MUC5B: variants seen among roughly 807,000 people sequenced by gnomAD.
The protein encoded by MUC5B is mucin 5B, oligomeric mucus/gel-forming, also known as mucin-5B.
In MUC5B, 116 loss-of-function variants were observed where a neutral mutation model predicts 376.9. The observed-to-expected ratio is 0.31, with a 90% CI of 0.26 to 0.36. The LOEUF (loss-of-function observed/expected upper bound fraction) is 0.36, where lower values mean the gene tolerates loss of function less well. Ranked by LOEUF, MUC5B falls within the 10% of genes least tolerant of loss-of-function variation. MUC5B has a pLI of 1.00. For missense variants in MUC5B, 7,165 were observed against 7,769.9 expected, an observed-to-expected ratio of 0.92 and a Z score of 2.93; for synonymous variants, 3,517 against 3,390.9, an observed-to-expected ratio of 1.04 and a Z score of -1.29.
At chr11:1,259,149 T>G in intron 44 of MUC5B, 88 bp downstream of exon 44, 1 of 1,020,488 alleles carries the variant, frequency 9.8e-7, no homozygotes, top group South Asian at 1.5e-5. Flanking sequence ...AGGTGAGACC[T>G]GAGTCACCCG....
intron 25 of MUC5B, 67 bp from the exon 26 acceptor site, chr11:1,238,803 TG>T: frequency 6.6e-7 from 1 of 1,504,986 alleles, no homozygotes; most frequent in South Asian, 1.2e-5. Flanking sequence ...CAACTGGCCC[TG>T]GGCCAGCCAC....
At chr11:1,225,650 C>T (rs374106949) in intron 1 of MUC5B, 31 bp from the exon 2 acceptor site, 30 of 1,574,562 alleles carry the variant, frequency 1.9e-5, no homozygotes, top group Non-Finnish European at 2.5e-5. Context: ...ACATCTAGTT[C>T]CTCACTGACT....
chr11:1,244,956 C>G lies in MUC5B; in HGVS notation c.8076C>G (p.Thr2692=), dbSNP rs555010897. 3.2e-6 allele frequency: 5 copies of G among 1,572,092 alleles called. No individual in the cohort carries two copies. In the African/African-American group the frequency reaches 4.1e-5, roughly 13 times the overall value. The change falls in exon 31 of 49, where the codon ACC becomes ACG. Residue 2692 remains threonine, a synonymous_variant. Transcript: ENST00000529681. ...QTSGTPPSLT[T]TATTITATGS... ...GTGGTACTCCCCCATCACTGACCAC[C>G]ACGGCCACTACGATCACGGCCACCG...
Position 1,242,190 on chromosome 11 carries a change from C to A in MUC5B, c.5310C>A (p.Ser1770Arg). Reference protein sequence around the residue: ...TSTPRTETTMSPLTNTTTSQG... With the variant: ...TSTPRTETTMRPLTNTTTSQG... The stretch of plus-strand genomic sequence containing the variant: ...CGCCCAGGACAGAGACGACAATGAG[C>A]CCCTTGACTAACACCACCACCAGCC... The change falls in exon 31 of 49, where the codon AGC becomes AGA. Residue 1770 changes from serine to arginine, a missense_variant. Physicochemically the swap from Ser to Arg is moderately radical, Grantham distance 110. This residue lies in a region of MUC5B where 897 missense variants were observed against 779.6 expected (regional missense o/e 1.15). Transcript: ENST00000529681. The A allele has an allele frequency of 1.2e-6, 2 of 1,613,544 alleles. No individual in the cohort carries two copies. Among genetic ancestry groups the A allele is most frequent in the East Asian group, 2.2e-5 (1 of 44,876 alleles).
intron 18 of MUC5B, 47 bp downstream of exon 18, chr11:1,233,315 C>T (rs752255895): frequency 2.1e-5 from 31 of 1,465,368 alleles, no homozygotes; most frequent in Non-Finnish European, 2.6e-5. Context: ...TCCTCAGAGC[C>T]ACTTCCCGCC....
At position 1,258,269 on chromosome 11, in the gene MUC5B, G is replaced by C; in HGVS notation, c.16556-61G>C. On this transcript the variant is annotated intron_variant, in intron 42 of 48. Transcript: ENST00000529681. This position sits in a 1 kb window ranked among gnomAD's most constrained non-coding sequence, Gnocchi z 5.5. ...TGGGGGTGGGGGAGTGCAGGATGGT[G>C]GGGGCGCTGGAGCACATGCTCCCCA... is the stretch of plus-strand genomic sequence containing the variant. The C allele has an allele frequency of 5.0e-6, 8 of 1,591,288 alleles. No homozygotes were observed. Among genetic ancestry groups the C allele is most frequent in the South Asian group, 3.4e-5 (3 of 88,138 alleles).
At position 1,249,992 on chromosome 11, in the gene MUC5B, C is replaced by T; in HGVS notation, c.13112C>T (p.Thr4371Ile). Residue 4371 changes from threonine (T) to isoleucine (I), a missense_variant, in exon 31 of 49, where the codon ACC becomes ATC. Physicochemically the swap from Thr to Ile is moderately conservative, Grantham distance 89 (BLOSUM62 -1). Transcript: ENST00000529681. ...HTSTVLTTKA[T>I]TTRATSSTST... ...TCCACAGTGCTGACCACGAAGGCCA[C>T]CACGACAAGGGCCACCAGTTCCACG... The T allele has an allele frequency of 6.3e-7, 1 of 1,591,764 alleles. No individual in the cohort carries two copies. The highest frequency in any genetic ancestry group is 8.6e-7 in the Non-Finnish European group (1 of 1,168,482).
rs1862298884 is a variant in MUC5B, at chr11:1,242,035, CCAA to C, written c.5162_5164del (p.Thr1721del). 1.9e-6 allele frequency: 3 copies of C among 1,590,636 alleles called. No individual in the cohort carries two copies. The highest frequency in any genetic ancestry group is 2.7e-5 in the African/African-American group (2 of 74,288). On this transcript the variant is annotated inframe_deletion, in exon 31 of 49. Transcript: ENST00000529681. ...CCCCTCACAGCCACCCACGCTGGCC[CCAA>C]CAACAATGGCAACCTCCAGAGCTCG...
In MUC5B at chr11:1,254,284, G is replaced by A. The variant is rs755741003; in HGVS notation, c.15410G>A (p.Ser5137Asn). 1.9e-6 allele frequency: 3 copies of A among 1,610,758 alleles called. No homozygotes were observed. In the Admixed American group the frequency reaches 5.0e-5, roughly 27 times the overall value. The change falls in exon 34 of 49, where the codon AGC becomes AAC. Residue 5137 changes from serine to asparagine, a missense_variant. By Grantham distance (46) the Ser-to-Asn change is conservative. Transcript: ENST00000529681. ...GCCGCCCGCTGCCCCCGCGCCCTCA[G>A]CATCCACTACAAGTCCATGGATATC... ...AAAARCPRAL[S>N]IHYKSMDIVL...
At position 1,258,085 on chromosome 11, in the gene MUC5B, C is replaced by G. The variant is rs1407315969; in HGVS notation, c.16451-14C>G. On this transcript the variant is annotated splice_polypyrimidine_tract_variant and intron_variant, in intron 41 of 48. Coordinates refer to ENST00000529681, the MANE Select transcript of MUC5B (RefSeq NM_002458.3). This position sits in a 1 kb window ranked among gnomAD's most constrained non-coding sequence, Gnocchi z 5.5. ...GTGAGCAGCGCCCAGACAGTGGCCT[C>G]CATCCTCCCGCAGTGTGCAACACAA... The G allele has an allele frequency of 1.3e-6, 2 of 1,565,220 alleles. No homozygotes were observed. Among genetic ancestry groups the G allele is most frequent in the Non-Finnish European group, 1.7e-6 (2 of 1,156,190 alleles).
chr11:1,255,420 C>T lies in MUC5B; in HGVS notation c.15928C>T (p.Pro5310Ser), dbSNP rs1454839675. The change falls in exon 37 of 49, where the codon CCA becomes TCA. Residue 5310 changes from proline to serine, a missense_variant. This residue lies in a region of MUC5B where 842 missense variants were observed against 1,016.9 expected (regional missense o/e 0.83). Transcript: ENST00000529681. ...AECHNLVPPG[P>S]FFNACISDHC... is the part of the protein sequence containing the mutation. ...GTGCCACAACCTTGTGCCCCCGGGC[C>T]CATTCTTCAACGCCTGCATCAGCGA... 6.2e-7 allele frequency: 1 copy of T among 1,604,938 alleles called. No individual in the cohort carries two copies. The highest frequency in any genetic ancestry group is 1.7e-5 in the Admixed American group (1 of 59,350).
chr11:1,249,412 G>A lies in MUC5B; in HGVS notation c.12532G>A (p.Ala4178Thr). Residue 4178 changes from alanine (A) to threonine (T), a missense_variant, in exon 31 of 49, where the codon GCC becomes ACC. Physicochemically the swap from Ala to Thr is moderately conservative, Grantham distance 58. This residue lies in a region of MUC5B where 34 missense variants were observed against 25.7 expected (regional missense o/e 1.32). Transcript: ENST00000529681. The stretch of plus-strand genomic sequence containing the variant: ...CCTGGGCCTCGAGTGCCGTGCCCAG[G>A]CCCAGCCTGGTGTCCCCCTGGGGGA... ...QPLGLECRAQ[A>T]QPGVPLGELG... 1.9e-6 allele frequency: 3 copies of A among 1,611,386 alleles called. No homozygotes were observed. The highest frequency in any genetic ancestry group is 2.5e-6 in the Non-Finnish European group (3 of 1,179,632).
In MUC5B at chr11:1,230,990, C is replaced by A; in HGVS notation, c.1525C>A (p.Leu509Met). 4 of 1,596,050 alleles carry A rather than the reference C, an allele frequency of 2.5e-6. No individual in the cohort carries two copies. The highest frequency in any genetic ancestry group is 3.4e-6 in the Non-Finnish European group (4 of 1,172,522). The change falls in exon 13 of 49, where the codon CTG (leucine) becomes ATG (methionine). Residue 509 changes from leucine (L) to methionine (M), a missense_variant. Physicochemically the swap from Leu to Met is conservative, Grantham distance 15. Around this residue, in one of 31 missense-constraint regions of MUC5B, gnomAD observed 640 missense variants for 733.0 expected, o/e 0.87. Coordinates refer to ENST00000529681, the MANE Select transcript of MUC5B (RefSeq NM_002458.3). ...GVFLNSIYTQ[L>M]PLSAANITLF... ...GTTCCTCAACTCCATCTACACGCAG[C>A]TGCCCCTGTCGGCAGGTATGTGGCT...
rs1192936322 is a variant in MUC5B, at chr11:1,225,589, G to GACCCCAC, written c.71-92_71-91insACCCCAC. ...GCCACCAAGGACCCCACATGCGGCT[G>GACCCCAC]CCGCACCAGGGATGTGGCCAGGTCC... On this transcript the variant is annotated intron_variant, in intron 1 of 48. Transcript: ENST00000529681. 4.4e-4 allele frequency: 523 copies of GACCCCAC among 1,187,696 alleles called. 5 individuals are homozygous for GACCCCAC. In the East Asian group the frequency reaches 0.013, roughly 31 times the overall value. The allele number at this position is 1,187,696 out of a possible 1,614,324, so 73.6% of individuals were successfully genotyped here.
rs768171004 is a variant in MUC5B, at chr11:1,248,616, C to G, written c.11736C>G (p.Thr3912=). The G allele has an allele frequency of 5.6e-6, 9 of 1,612,594 alleles. No individual in the cohort carries two copies. The highest frequency in any genetic ancestry group is 7.6e-6 in the Non-Finnish European group (9 of 1,179,498). Residue 3912 remains threonine, a synonymous_variant, in exon 31 of 49, where the codon ACC becomes ACG. Coordinates refer to ENST00000529681, the MANE Select transcript of MUC5B (RefSeq NM_002458.3). ...TGACCCCCTCCTCCGTCCCGGGGAC[C>G]ACCCACACCCCCACAGTGCTGACCA... The part of the protein sequence containing the change: ...STVTPSSVPG[T]THTPTVLTTT...
chr11:1,240,678 C>T (rs1250047028), intron 30 of MUC5B, among the ~76,000 whole-genome samples, 173 bp from the exon 31 acceptor site: 1 of 152,246 alleles, frequency 6.6e-6, no homozygotes, highest in African/African-American at 2.4e-5. Context: ...CTGCCAGGCC[C>T]CAGTCCCTCA....
At position 1,243,024 on chromosome 11, in the gene MUC5B, T is replaced by A. The variant is rs1195230006; in HGVS notation, c.6144T>A (p.Thr2048=). The change falls in exon 31 of 49, where the codon ACT becomes ACA. Residue 2048 remains threonine (T), a synonymous_variant. Coordinates refer to ENST00000529681, the MANE Select transcript of MUC5B (RefSeq NM_002458.3). The part of the protein sequence containing the change: ...TPSSTPGTAH[T]TKVPTTTTTG... ...CCTCCACCCCAGGAACAGCTCACAC[T>A]ACCAAAGTGCCAACTACCACAACCA... is the stretch of plus-strand genomic sequence containing the variant. 1.9e-6 allele frequency: 3 copies of A among 1,604,168 alleles called. No homozygotes were observed. The highest frequency in any genetic ancestry group is 2.2e-5 in the South Asian group (2 of 90,720).
Position 1,244,842 on chromosome 11 carries a change from G to C in MUC5B, c.7962G>C (p.Gly2654=). ...GSTVTPSSIP[G]TTHTPTVLTT... is the part of the protein sequence containing the mutation. Reference sequence around the variant, plus strand: ...CGGTGACCCCCTCCTCCATCCCGGGGACCACCCACACCCCCACAGTGCTGA... The same window carrying C: ...CGGTGACCCCCTCCTCCATCCCGGGCACCACCCACACCCCCACAGTGCTGA... The change falls in exon 31 of 49, where the codon GGG becomes GGC. Residue 2654 remains glycine (G), a synonymous_variant. Transcript: ENST00000529681. The C allele has an allele frequency of 6.2e-7, 1 of 1,613,418 alleles. No homozygotes were observed.
At position 1,248,484 on chromosome 11, in the gene MUC5B, C is replaced by A; in HGVS notation, c.11604C>A (p.Thr3868=). The A allele has an allele frequency of 6.2e-7, 1 of 1,611,864 alleles. No individual in the cohort carries two copies. Residue 3868 remains threonine, a synonymous_variant, in exon 31 of 49, where the codon ACC becomes ACA. Transcript: ENST00000529681. ...GTAHTTKVPT[T]TTTGFTVTPS... is the part of the protein sequence containing the mutation. ...CTCACACTACCAAAGTGCCGACTAC[C>A]ACAACCACGGGCTTCACAGTCACCC...
Sources: allele counts gnomAD v4.1 joint callset (sites outside exome capture counted in the v4.1 genomes callset), GRCh38; gene constraint gnomAD v4.1.1; regional missense constraint gnomAD v4.1.1; non-coding constraint Gnocchi (gnomAD v3.1); transcripts MANE v1.5; gene names NCBI Gene and HGNC (gene_info 2026-07-23, HGNC 2026-07-21).